The following PLCB1 variants were observed in gnomAD, a reference collection of about 807,000 sequenced individuals.
PLCB1 encodes 1-phosphatidylinositol 4,5-bisphosphate phosphodiesterase beta-1.
PLCB1 carries 46 observed loss-of-function variants against 161.8 expected under a neutral mutation model. The ratio of observed to expected loss-of-function variants is 0.28; its 90% CI spans 0.22 to 0.36. PLCB1 has a LOEUF of 0.36. Ranked by LOEUF, PLCB1 falls within the 10% of genes least tolerant of loss-of-function variation. The pLI is 1.00. For missense variants in PLCB1, 1,016 were observed against 1,472.5 expected, an observed-to-expected ratio of 0.69 and a Z score of 5.07; for synonymous variants, 517 against 503.7, an observed-to-expected ratio of 1.03 and a Z score of -0.35.
chr20:8,224,993 A>G (rs547347911), intron 2 of PLCB1, among the ~76,000 whole-genome samples: 1 of 152,290 alleles, frequency 6.6e-6, no homozygotes, highest in South Asian at 2.1e-4. Flanking sequence ...AATATGAGAA[A>G]GTATAGTGAA....
intron 3 of PLCB1, among the ~76,000 whole-genome samples, chr20:8,575,313 CTCAG>C (rs1986642182): frequency 6.6e-6 from 1 of 152,210 alleles, no homozygotes; most frequent in African/African-American, 2.4e-5. Context: ...CCCAGCCAGA[CTCAG>C]AAACAGATAT....
chr20:8,332,233 G>A (rs1985391988), intron 2 of PLCB1, among the ~76,000 whole-genome samples: 1 of 152,210 alleles, frequency 6.6e-6, no homozygotes, highest in African/African-American at 2.4e-5. Context: ...CAGCAGTGGG[G>A]AAGGATTTGG....
intron 4 of PLCB1, among the ~76,000 whole-genome samples, chr20:8,642,342 G>A (rs1020716420): frequency 6.6e-6 from 1 of 152,146 alleles, no homozygotes; most frequent in East Asian, 1.9e-4. Context: ...AGGCTTTCCA[G>A]CTCCTGTACC....
intron 3 of PLCB1, among the ~76,000 whole-genome samples, chr20:8,457,065 G>C (rs1228871986): frequency 6.6e-6 from 1 of 152,144 alleles, no homozygotes; most frequent in East Asian, 1.9e-4. Flanking sequence ...TCTAGAGGTA[G>C]TTATATTTTT....
intron 3 of PLCB1, among the ~76,000 whole-genome samples, chr20:8,522,841 G>C (rs910358306): frequency 6.6e-6 from 1 of 152,074 alleles, no homozygotes; most frequent in African/African-American, 2.4e-5. Context: ...TGAAATAAAG[G>C]CTTATCTTTA....
chr20:8,403,229 A>G (rs983334349), intron 3 of PLCB1, among the ~76,000 whole-genome samples: 3 of 152,070 alleles, frequency 2.0e-5, no homozygotes, highest in African/African-American at 7.2e-5. Flanking sequence ...CCTCAGCCCC[A>G]CAAAGCCAGG....
intron 3 of PLCB1, among the ~76,000 whole-genome samples, chr20:8,411,908 A>C (rs898963296): frequency 6.6e-6 from 1 of 152,148 alleles, no homozygotes; most frequent in African/African-American, 2.4e-5. Flanking sequence ...CTGTAATTCC[A>C]GCTTCTTGAG....
At chr20:8,211,373 C>A (rs58742954) in intron 2 of PLCB1, among the ~76,000 whole-genome samples, 6 of 152,108 alleles carry the variant, frequency 3.9e-5, no homozygotes, top group Non-Finnish European at 7.4e-5. Context: ...AAACTCTCCA[C>A]GCCCATGTTT....
intron 3 of PLCB1, among the ~76,000 whole-genome samples, chr20:8,413,465 A>G (rs1313497139): frequency 6.6e-6 from 1 of 152,214 alleles, no homozygotes; most frequent in African/African-American, 2.4e-5. Context: ...GCATTTTAAA[A>G]TCCGAATCTG....
intron 3 of PLCB1, among the ~76,000 whole-genome samples, chr20:8,622,252 C>T (rs1456748242): frequency 8.2e-6 from 1 of 122,588 alleles, no homozygotes; most frequent in East Asian, 2.3e-4. Context: ...GACTCTGCCT[C>T]AGGAAAAAAA....
chr20:8,644,283 G>A (rs1311620632), intron 4 of PLCB1, among the ~76,000 whole-genome samples: 7 of 150,612 alleles, frequency 4.6e-5, no homozygotes, highest in Non-Finnish European at 8.9e-5. Context: ...GAGCCCCTCT[G>A]CCTGGCTGCC....
intron 31 of PLCB1, among the ~76,000 whole-genome samples, chr20:8,801,304 T>G (rs190359532): frequency 3.9e-5 from 6 of 152,270 alleles, no homozygotes; most frequent in African/African-American, 1.4e-4. Context: ...ATGACCACTT[T>G]ATTAAAATTT....
chr20:8,338,033 A>G (rs1468944520), intron 2 of PLCB1, among the ~76,000 whole-genome samples: 1 of 152,196 alleles, frequency 6.6e-6, no homozygotes, highest in Non-Finnish European at 1.5e-5. Context: ...GCCTGTAACC[A>G]AGACTGTGGT....
At chr20:8,286,340 G>A (rs980196381) in intron 2 of PLCB1, among the ~76,000 whole-genome samples, 5 of 152,078 alleles carry the variant, frequency 3.3e-5, no homozygotes, top group African/African-American at 1.2e-4. Flanking sequence ...AAAAGAAAAG[G>A]TACATTTTCT....
At chr20:8,873,798 C>A (rs138950105) in intron 31 of PLCB1, among the ~76,000 whole-genome samples, 1,899 of 151,988 alleles carry the variant, frequency 0.012, 44 homozygotes, top group African/African-American at 0.044. Context: ...AAGTGAGAGC[C>A]TTATGATTTT....
intron 3 of PLCB1, among the ~76,000 whole-genome samples, chr20:8,618,280 GTCCTGGGAATAT>G (rs913220778): frequency 2.2e-4 from 33 of 152,260 alleles, no homozygotes; most frequent in African/African-American, 7.2e-4. Flanking sequence ...AGTGACTAAT[GTCCTGGGAATAT>G]TTACTGCTTT....
At position 8,426,348 on chromosome 20, in the gene PLCB1, T is replaced by C. The variant is rs538316750; in HGVS notation, c.246+54898T>C. On this transcript the variant is annotated intron_variant, in intron 3 of 31. Coordinates refer to ENST00000338037, the MANE Select transcript of PLCB1 (RefSeq NM_015192.4). ...GAATAGGAACTCTGTTACAATTTGA[T>C]TTGCACTCTGTTCGCAGAAAACCGA... Among the ~76,000 whole-genome samples, 3 of 152,320 alleles carry C rather than the reference T, an allele frequency of 2.0e-5. No individual in the cohort carries two copies. In the South Asian group the frequency reaches 6.2e-4, roughly 32 times the overall value.
At chr20:8,830,216 T>A (rs1047140942) in intron 31 of PLCB1, among the ~76,000 whole-genome samples, 3 of 152,152 alleles carry the variant, frequency 2.0e-5, no homozygotes, top group African/African-American at 7.2e-5. Context: ...GTAGCTGGCC[T>A]AAGGCAAAGG....
At chr20:8,303,728 G>A (rs992175158) in intron 2 of PLCB1, among the ~76,000 whole-genome samples, 2 of 152,166 alleles carry the variant, frequency 1.3e-5, no homozygotes, top group Non-Finnish European at 1.5e-5. Flanking sequence ...CATTGTTGCT[G>A]AGAACATTTA....
Sources: gnomAD v4.1 joint callset for allele counts (sites outside exome capture counted in the v4.1 genomes callset) on GRCh38, gnomAD v4.1.1 for gene constraint, MANE v1.5 for transcripts, NCBI Gene and HGNC (gene_info 2026-07-23, HGNC 2026-07-21) for gene names.